The following EML4 variants were observed in gnomAD, a reference collection of about 807,000 sequenced individuals.
EML4 encodes echinoderm microtubule-associated protein-like 4.
In EML4, 72 loss-of-function variants were observed where a neutral mutation model predicts 129.0. The ratio of observed to expected loss-of-function variants is 0.56; its 90% CI spans 0.46 to 0.68. The LOEUF is 0.68. Among genes scored for constraint, EML4 ranks in the 30% least tolerant of loss-of-function variants. The probability of loss-of-function intolerance (pLI) is 0.00; values close to 1 mark genes in which losing one functional copy is unlikely to be tolerated. For missense variants in EML4, 1,363 were observed against 1,190.6 expected, an observed-to-expected ratio of 1.14 and a Z score of -2.13; for synonymous variants, 532 against 405.0, an observed-to-expected ratio of 1.31 and a Z score of -3.77.
At chr2:42,243,015 C>T (rs754026594) in intron 1 of EML4, among the ~76,000 whole-genome samples, 8 of 152,014 alleles carry the variant, frequency 5.3e-5, no homozygotes, top group Admixed American at 6.6e-5. Context: ...TGGGATCAAG[C>T]GATCCGCCCA....
intron 2 of EML4, among the ~76,000 whole-genome samples, chr2:42,250,014 C>T (rs1558539955): frequency 6.6e-6 from 1 of 152,222 alleles, no homozygotes; most frequent in Non-Finnish European, 1.5e-5. Flanking sequence ...AATTATGTCA[C>T]AGCTGGTGCC....
At chr2:42,314,169 G>A (rs1243117401) in intron 17 of EML4, among the ~76,000 whole-genome samples, 5 of 152,082 alleles carry the variant, frequency 3.3e-5, no homozygotes, top group African/African-American at 1.2e-4. Flanking sequence ...GACCAGCCTG[G>A]CCAACATGGT....
chr2:42,239,741 C>T (rs1674896271), intron 1 of EML4, among the ~76,000 whole-genome samples: 1 of 127,656 alleles, frequency 7.8e-6, no homozygotes, highest in Non-Finnish European at 1.6e-5. Flanking sequence ...CCATTTTTAG[C>T]TTATACTCCT....
chr2:42,200,244 G>A (rs1167775687), intron 1 of EML4, among the ~76,000 whole-genome samples: 1 of 151,932 alleles, frequency 6.6e-6, no homozygotes, highest in African/African-American at 2.4e-5. Context: ...AGAATGGTGT[G>A]AACCCGGGAG....
At chr2:42,322,578 T>G (rs750281461) in intron 19 of EML4, among the ~76,000 whole-genome samples, 17 of 152,262 alleles carry the variant, frequency 1.1e-4, no homozygotes, top group Non-Finnish European at 2.4e-4. Flanking sequence ...CATAGCCATA[T>G]TCTTTCACTT....
At chr2:42,323,214 G>C (rs1290799642) in intron 19 of EML4, among the ~76,000 whole-genome samples, 1 of 152,300 alleles carries the variant, frequency 6.6e-6, no homozygotes, top group South Asian at 2.1e-4. Flanking sequence ...CATCCACGTA[G>C]CAAGTTTTAA....
intron 1 of EML4, among the ~76,000 whole-genome samples, chr2:42,197,102 C>T (rs1212358843): frequency 6.6e-6 from 1 of 152,150 alleles, no homozygotes; most frequent in African/African-American, 2.4e-5. Flanking sequence ...CAGGGTCGCA[C>T]TCTGTCACCC....
chr2:42,259,602 A>G (rs1665580663), intron 3 of EML4, among the ~76,000 whole-genome samples: 1 of 152,066 alleles, frequency 6.6e-6, no homozygotes, highest in Admixed American at 6.6e-5. Context: ...TATATCCATA[A>G]ATAACTTTCT....
intron 1 of EML4, among the ~76,000 whole-genome samples, chr2:42,238,891 C>T (rs903099447): frequency 6.6e-5 from 10 of 152,192 alleles, no homozygotes; most frequent in African/African-American, 2.2e-4. Context: ...TCAAGTGATC[C>T]TCCTGCCTCA....
At chr2:42,198,610 C>A (rs186009955) in intron 1 of EML4, among the ~76,000 whole-genome samples, 1 of 152,160 alleles carries the variant, frequency 6.6e-6, no homozygotes, top group Non-Finnish European at 1.5e-5. Flanking sequence ...AGGAATATTT[C>A]TACCTGAAGT....
intron 1 of EML4, among the ~76,000 whole-genome samples, chr2:42,219,267 A>T (rs192431289): frequency 1.6e-4 from 24 of 152,300 alleles, no homozygotes; most frequent in Admixed American, 3.9e-4. Flanking sequence ...TTTTCAACCA[A>T]ACGTGGATTG....
rs151262157 is a variant in EML4, at chr2:42,256,165, G to A, written c.209-336G>A. Among the ~76,000 whole-genome samples the A allele has an allele frequency of 1.6e-4, 24 of 152,226 alleles. No homozygotes were observed. The East Asian group carries it at 4.6e-3, about 29-fold the overall frequency. On this transcript the variant is annotated intron_variant, in intron 2 of 22. Coordinates refer to ENST00000318522, the MANE Select transcript of EML4 (RefSeq NM_019063.5). Reference sequence around the variant, plus strand: ...AACAAGCTGTTTTTGAAGACTGATGGCATGGGATTTATGGATTACTTGAGG... The same window carrying A: ...AACAAGCTGTTTTTGAAGACTGATGACATGGGATTTATGGATTACTTGAGG...
chr2:42,240,727 C>A (rs563513217), intron 1 of EML4, among the ~76,000 whole-genome samples: 1 of 152,194 alleles, frequency 6.6e-6, no homozygotes, highest in Non-Finnish European at 1.5e-5. Flanking sequence ...TAGCAACTTA[C>A]TGAAAGCATC....
intron 6 of EML4, among the ~76,000 whole-genome samples, chr2:42,277,808 C>G (rs917032204): frequency 6.6e-6 from 1 of 152,204 alleles, no homozygotes; most frequent in African/African-American, 2.4e-5. Flanking sequence ...ACCTCGTGAT[C>G]TGTCTGCCTC....
intron 2 of EML4, among the ~76,000 whole-genome samples, chr2:42,247,127 G>A (rs1439613970): frequency 6.6e-6 from 1 of 152,162 alleles, no homozygotes; most frequent in African/African-American, 2.4e-5. Context: ...AAGATAGGTT[G>A]AGGACAAAAA....
intron 1 of EML4, among the ~76,000 whole-genome samples, chr2:42,175,648 A>C (rs187180724): frequency 6.6e-6 from 1 of 152,022 alleles, no homozygotes; most frequent in East Asian, 1.9e-4. Flanking sequence ...ACAGGTGTGC[A>C]CCACCGCACC....
intron 21 of EML4, among the ~76,000 whole-genome samples, chr2:42,327,618 C>T (rs1369421200): frequency 6.6e-6 from 1 of 152,166 alleles, no homozygotes; most frequent in Admixed American, 6.5e-5. Flanking sequence ...CCTAATCTGA[C>T]GTTTTGTAAC....
intron 1 of EML4, among the ~76,000 whole-genome samples, chr2:42,208,277 A>G (rs570399315): frequency 3.4e-4 from 51 of 152,150 alleles, no homozygotes; most frequent in African/African-American, 1.2e-3. Context: ...AATCTGAGTA[A>G]TTTTGCCTTA....
chr2:42,189,174 T>C (rs1671437704), intron 1 of EML4, among the ~76,000 whole-genome samples: 1 of 152,154 alleles, frequency 6.6e-6, no homozygotes, highest in South Asian at 2.1e-4. Flanking sequence ...ACCACGAGCC[T>C]TATTTTTAAA....
Sources: gnomAD v4.1 joint callset for allele counts (sites outside exome capture counted in the v4.1 genomes callset) on GRCh38, gnomAD v4.1.1 for gene constraint, MANE v1.5 for transcripts, NCBI Gene and HGNC (gene_info 2026-07-23, HGNC 2026-07-21) for gene names.